The following CALM2 variants were observed in gnomAD, a reference collection of about 807,000 sequenced individuals.
The protein encoded by CALM2 is calmodulin 2, also known as calmodulin-2.
A neutral mutation model predicts 19.8 loss-of-function variants in CALM2; 2 were observed. That is an observed-to-expected ratio of 0.10 (90% CI 0.04 to 0.32). CALM2 has a LOEUF of 0.32. Among genes scored for constraint, CALM2 ranks in the 10% least tolerant of loss-of-function variants. The pLI is 1.00. For synonymous variants in CALM2, 51 were observed against 52.1 expected, an observed-to-expected ratio of 0.98 and a Z score of 0.09; for missense variants, 38 against 178.7, an observed-to-expected ratio of 0.21 and a Z score of 4.49.
intron 1 of CALM2, among the ~76,000 whole-genome samples, chr2:47,175,845 C>A (rs1418350957): frequency 6.8e-6 from 1 of 147,788 alleles, no homozygotes; most frequent in Non-Finnish European, 1.5e-5. Flanking sequence ...CCGCTCCCTG[C>A]GCCGCGCGGG....
At chr2:47,160,848 ACC>A in intron 5 of CALM2, 44 bp from the exon 6 acceptor site, 2 of 785,120 alleles carry the variant, frequency 2.5e-6, no homozygotes, top group African/African-American at 2.4e-5. Context: ...ATAGCAAAAG[ACC>A]AAAAAAAAAA....
At chr2:47,160,849 CCAAAAAAAAAA>C in intron 5 of CALM2, 45 bp from the exon 6 acceptor site, 2 of 342,432 alleles carry the variant, frequency 5.8e-6, no homozygotes, top group Non-Finnish European at 8.3e-6. Context: ...TAGCAAAAGA[CCAAAAAAAAAA>C]AAAAAAAAAA....
At chr2:47,164,154 C>T (rs1253211734) in intron 2 of CALM2, among the ~76,000 whole-genome samples, 2 of 150,186 alleles carry the variant, frequency 1.3e-5, no homozygotes, top group Admixed American at 6.7e-5. Flanking sequence ...AGGAGAATGG[C>T]GTGAACCTGG....
intron 4 of CALM2, 21 bp downstream of exon 4, chr2:47,162,265 C>A (rs1426381163): frequency 2.5e-6 from 3 of 1,196,418 alleles, no homozygotes; most frequent in Non-Finnish European, 3.4e-6. Flanking sequence ...CAAAATTTAA[C>A]ATATCCAGTC....
intron 1 of CALM2, chr2:47,174,146 A>C (rs1210480435): frequency 6.6e-6 from 1 of 152,232 alleles, no homozygotes; most frequent in African/African-American, 2.4e-5. Flanking sequence ...CTCTTGAAGC[A>C]ATCCCGTTTT....
chr2:47,161,347 GGAAA>G (rs1176581839), intron 5 of CALM2, among the ~76,000 whole-genome samples: 2 of 152,042 alleles, frequency 1.3e-5, no homozygotes, highest in Admixed American at 6.5e-5. Context: ...TACAGTGCGG[GGAAA>G]GAAAGTCACA....
chr2:47,174,170 T>C (rs1439685813), intron 1 of CALM2: 2 of 152,242 alleles, frequency 1.3e-5, no homozygotes, highest in Non-Finnish European at 2.9e-5. Flanking sequence ...TGAGCATATG[T>C]TGATTACATG....
chr2:47,162,193 A>ACCC (rs1231396882), intron 4 of CALM2, 93 bp downstream of exon 4: 3 of 503,006 alleles, frequency 6.0e-6, no homozygotes, highest in African/African-American at 4.2e-5. Flanking sequence ...AAAAAAAAAA[A>ACCC]AAAAAAACAA....
At chr2:47,173,399 A>G (rs180781908) in intron 1 of CALM2, 3 of 152,324 alleles carry the variant, frequency 2.0e-5, no homozygotes, top group Admixed American at 6.5e-5. Flanking sequence ...AGCTATTGAC[A>G]TAATTCTTCC....
Position 47,175,089 on chromosome 2 carries a change from T to TTGTTTGTTTG in CALM2, c.3+1351_3+1352insCAAACAAACA, listed in dbSNP as rs1438069404. Among the ~76,000 whole-genome samples, 70 of 133,568 alleles carry TTGTTTGTTTG rather than the reference T, an allele frequency of 5.2e-4. 3 individuals carry two copies. Among genetic ancestry groups the TTGTTTGTTTG allele is most frequent in the African/African-American group, 2.5e-3 (70 of 27,668 alleles). 87.6% of individuals were successfully genotyped at this position (133,568 alleles called of 152,430 possible). A position where few individuals can be genotyped will look rare whatever the true frequency, so the allele number is the denominator to read the frequency against. On this transcript the variant is annotated intron_variant, in intron 1 of 5. Coordinates refer to ENST00000272298, the MANE Select transcript of CALM2 (RefSeq NM_001743.6). ...CACCGCCCTCATTAGGTGTTTTTTT[T>TTGTTTGTTTG]TTTTTTTTTCAGGAAAGAACATGAT...
chr2:47,176,489 A>G lies in CALM2; in HGVS notation c.-46T>C, dbSNP rs781438828. The stretch of plus-strand genomic sequence containing the variant: ...CCGAGACGCGACCACACAACCACTC[A>G]GCTCGCTCTCTCCACTCGGACTAAT... On this transcript the variant is annotated 5_prime_UTR_variant, in exon 1 of 6. Transcript: ENST00000272298. The G allele has an allele frequency of 1.8e-5, 29 of 1,612,516 alleles. No individual in the cohort carries two copies. Among genetic ancestry groups the G allele is most frequent in the Non-Finnish European group, 2.4e-5 (28 of 1,179,544 alleles).
chr2:47,176,158 C>G (rs552527704), intron 1 of CALM2: 48 of 497,078 alleles, frequency 9.7e-5, no homozygotes, highest in Non-Finnish European at 1.5e-4. Context: ...TGTCCCTCAT[C>G]CCGGACCCAT....
upstream of CALM2, chr2:47,176,931 G>A: frequency 3.0e-6 from 3 of 985,468 alleles, no homozygotes; most frequent in African/African-American, 1.7e-5. Context: ...CGCTGTCCTG[G>A]CAACTGCGCC....
intron 1 of CALM2, chr2:47,172,410 T>C (rs1229051145): frequency 2.3e-5 from 16 of 681,318 alleles, no homozygotes; most frequent in Non-Finnish European, 3.8e-5. Context: ...ATAACAATAC[T>C]TACCTTGCAG....
Position 47,176,491 on chromosome 2 carries a change from C to A in CALM2, c.-48G>T. The stretch of plus-strand genomic sequence containing the variant: ...GAGACGCGACCACACAACCACTCAG[C>A]TCGCTCTCTCCACTCGGACTAATTC... On this transcript the variant is annotated 5_prime_UTR_variant, in exon 1 of 6. Coordinates refer to ENST00000272298, the MANE Select transcript of CALM2 (RefSeq NM_001743.6). 1 of 1,612,486 alleles carries A rather than the reference C, an allele frequency of 6.2e-7. No individual in the cohort carries two copies. The highest frequency in any genetic ancestry group is 8.5e-7 in the Non-Finnish European group (1 of 1,179,428).
intron 2 of CALM2, among the ~76,000 whole-genome samples, chr2:47,164,265 A>AC (rs1666380816): frequency 6.9e-6 from 1 of 144,508 alleles, no homozygotes; most frequent in Non-Finnish European, 1.5e-5. Flanking sequence ...AGAAAAAGAA[A>AC]AGAAACCCCG....
upstream of CALM2, chr2:47,176,817 G>C: frequency 1.0e-6 from 1 of 985,422 alleles, no homozygotes; most frequent in Non-Finnish European, 1.2e-6. Context: ...CCCGTTGGTC[G>C]TTGAGCCTGC....
rs1252438753 is a variant in CALM2, at chr2:47,161,719, T to G, written c.421+4A>C. On this transcript the variant is annotated splice_donor_region_variant and intron_variant, in intron 5 of 5. Coordinates refer to ENST00000272298, the MANE Select transcript of CALM2 (RefSeq NM_001743.6). ...AGAATGAGGCGTGAGACTGAAACATTTACCTTCATAGTTTACTTGACCATC... is the reference window on the plus strand; with the variant it reads ...AGAATGAGGCGTGAGACTGAAACATGTACCTTCATAGTTTACTTGACCATC... The G allele has an allele frequency of 6.2e-7, 1 of 1,607,830 alleles. No individual in the cohort carries two copies. The highest frequency in any genetic ancestry group is 2.2e-5 in the East Asian group (1 of 44,620).
rs182560859 is a variant in CALM2 at position 47,162,026 on chromosome 2, T to C, written c.286-168A>G. Among the ~76,000 whole-genome samples, 16 of 152,246 alleles carry C rather than the reference T, an allele frequency of 1.1e-4. No homozygotes were observed. In the East Asian group the frequency reaches 2.9e-3, roughly 28 times the overall value. ...AAATGTCATTAAGAGCCAAGCAAAA[T>C]GTCCTACATTGAAATCATTATTTCC... On this transcript the variant is annotated intron_variant, in intron 4 of 5. Coordinates refer to ENST00000272298, the MANE Select transcript of CALM2 (RefSeq NM_001743.6).
Sources: allele counts gnomAD v4.1 joint callset (sites outside exome capture counted in the v4.1 genomes callset), GRCh38; gene constraint gnomAD v4.1.1; transcripts MANE v1.5; gene names NCBI Gene and HGNC (gene_info 2026-07-23, HGNC 2026-07-21).